The following SEMA6D variants were observed in gnomAD, a reference collection of about 807,000 sequenced individuals.
SEMA6D encodes semaphorin 6D, also known as semaphorin-6D.
In SEMA6D, 35 loss-of-function variants were observed where a neutral mutation model predicts 106.6. The ratio of observed to expected loss-of-function variants is 0.33; its 90% CI spans 0.25 to 0.44. The LOEUF (loss-of-function observed/expected upper bound fraction) is 0.44. Ranked by LOEUF, SEMA6D falls within the 20% of genes least tolerant of loss-of-function variation. The pLI is 1.00. For missense variants in SEMA6D, 1,185 were observed against 1,345.9 expected (o/e 0.88, Z 1.87); for synonymous variants, 499 against 487.7 (o/e 1.02, Z -0.31).
intron 3 of SEMA6D, among the ~76,000 whole-genome samples, chr15:47,534,283 C>T (rs1317588963): frequency 6.6e-6 from 1 of 152,030 alleles, no homozygotes; most frequent in Non-Finnish European, 1.5e-5. Flanking sequence ...CTCTGCCTCC[C>T]GGGTTCAAGT....
intron 2 of SEMA6D, among the ~76,000 whole-genome samples, chr15:47,447,247 T>C (rs6493279): frequency 0.48 from 73,141 of 151,842 alleles, 18,970 homozygotes; most frequent in African/African-American, 0.69. Context: ...GTAGGTGTTG[T>C]TTTGTAGTCT....
intron 4 of SEMA6D, among the ~76,000 whole-genome samples, chr15:47,653,415 C>T (rs918070521): frequency 1.3e-5 from 2 of 152,188 alleles, no homozygotes; most frequent in African/African-American, 4.8e-5. Flanking sequence ...CTAATACTCA[C>T]GCATTCTTCT....
chr15:47,468,234 C>T (rs907956124), intron 2 of SEMA6D, among the ~76,000 whole-genome samples: 5 of 151,992 alleles, frequency 3.3e-5, no homozygotes, highest in African/African-American at 1.2e-4. Context: ...ATTGAAAATG[C>T]AGTTACAGCT....
chr15:47,192,488 T>C (rs1197786513), intron 1 of SEMA6D, among the ~76,000 whole-genome samples: 1 of 152,232 alleles, frequency 6.6e-6, no homozygotes, highest in Non-Finnish European at 1.5e-5. Context: ...CAAAAATTTA[T>C]ATAAAGGAAG....
At chr15:47,188,403 A>G (rs59814740) in intron 1 of SEMA6D, among the ~76,000 whole-genome samples, 1 of 152,192 alleles carries the variant, frequency 6.6e-6, no homozygotes, top group African/African-American at 2.4e-5. Context: ...ATTAATGGGT[A>G]ATAAAAATGA....
intron 1 of SEMA6D, among the ~76,000 whole-genome samples, chr15:47,296,981 T>TC (rs1566979860): frequency 6.6e-6 from 1 of 152,006 alleles, no homozygotes; most frequent in African/African-American, 2.4e-5. Flanking sequence ...AGCCCTTTCT[T>TC]CCCCCCGCAA....
chr15:47,760,007 A>G (rs2081974545), intron 2 of SEMA6D, 100 bp downstream of exon 2: 5 of 904,964 alleles, frequency 5.5e-6, no homozygotes, highest in African/African-American at 1.6e-5. Context: ...GAGATTTTTT[A>G]TGTCTTAACC....
chr15:47,270,558 A>AT (rs1169695723), intron 1 of SEMA6D, among the ~76,000 whole-genome samples: 1 of 152,128 alleles, frequency 6.6e-6, no homozygotes, highest in Non-Finnish European at 1.5e-5. Context: ...GCGGAAAAAA[A>AT]TTTAATATTT....
intron 1 of SEMA6D, among the ~76,000 whole-genome samples, chr15:47,732,402 T>C (rs1373104681): frequency 6.6e-6 from 1 of 152,148 alleles, no homozygotes; most frequent in Non-Finnish European, 1.5e-5. Context: ...AAGGTGAGAA[T>C]CCAACAGATC....
intron 3 of SEMA6D, among the ~76,000 whole-genome samples, chr15:47,485,778 T>C (rs1268949402): frequency 1.3e-5 from 2 of 152,182 alleles, no homozygotes; most frequent in African/African-American, 4.8e-5. Flanking sequence ...AGCCAAGAGA[T>C]GTGGCACCAC....
intron 1 of SEMA6D, among the ~76,000 whole-genome samples, chr15:47,354,189 CTCTCTCTCTCTA>C (rs1437202625): frequency 0.021 from 627 of 30,424 alleles, 7 homozygotes; most frequent in Non-Finnish European, 0.017. Flanking sequence ...CTCTCTCTCT[CTCTCTCTCTCTA>C]TATATATATA....
chr15:47,742,834 C>T (rs1244337164), intron 1 of SEMA6D, among the ~76,000 whole-genome samples: 2 of 152,170 alleles, frequency 1.3e-5, no homozygotes, highest in East Asian at 3.8e-4. Flanking sequence ...ACCCCACACC[C>T]TCTGTGTTTC....
intron 1 of SEMA6D, among the ~76,000 whole-genome samples, chr15:47,186,041 A>G (rs1357860253): frequency 6.6e-6 from 1 of 152,078 alleles, no homozygotes; most frequent in Admixed American, 6.6e-5. Flanking sequence ...ATATTTGTGT[A>G]TATATATGTG....
intron 1 of SEMA6D, among the ~76,000 whole-genome samples, chr15:47,346,201 G>GT (rs1182801842): frequency 6.6e-6 from 1 of 152,032 alleles, no homozygotes; most frequent in African/African-American, 2.4e-5. Flanking sequence ...AAACTCATGG[G>GT]TTACGTTAAT....
At chr15:47,498,705 C>T (rs1327428885) in intron 3 of SEMA6D, among the ~76,000 whole-genome samples, 3 of 152,074 alleles carry the variant, frequency 2.0e-5, no homozygotes, top group Non-Finnish European at 2.9e-5. Flanking sequence ...GAAAGATTTA[C>T]CTTGGAGGGG....
intron 2 of SEMA6D, among the ~76,000 whole-genome samples, chr15:47,437,257 T>G (rs2140688113): frequency 6.6e-6 from 1 of 152,250 alleles, no homozygotes; most frequent in Non-Finnish European, 1.5e-5. Context: ...AAGGAACATC[T>G]AGCCTTCTTA....
At chr15:47,316,774 A>T (rs1473141717) in intron 1 of SEMA6D, among the ~76,000 whole-genome samples, 1 of 151,768 alleles carries the variant, frequency 6.6e-6, no homozygotes, top group African/African-American at 2.4e-5. Context: ...GATAAATCTC[A>T]CTTGGTTGTG....
At chr15:47,312,527 C>T (rs1332140129) in intron 1 of SEMA6D, among the ~76,000 whole-genome samples, 3 of 152,102 alleles carry the variant, frequency 2.0e-5, no homozygotes, top group African/African-American at 7.2e-5. Flanking sequence ...GAAGAACCTC[C>T]AGACATGTGC....
At chr15:47,363,012 A>C (rs1216287942) in intron 1 of SEMA6D, among the ~76,000 whole-genome samples, 2 of 152,100 alleles carry the variant, frequency 1.3e-5, no homozygotes, top group African/African-American at 4.8e-5. Context: ...GGTCAAGTTT[A>C]ATTAGAAAGA....
Sources: gnomAD v4.1 joint callset for allele counts (sites outside exome capture counted in the v4.1 genomes callset) on GRCh38, gnomAD v4.1.1 for gene constraint, MANE v1.5 for transcripts, NCBI Gene and HGNC (gene_info 2026-07-23, HGNC 2026-07-21) for gene names.